The following RBFOX1 variants were observed in gnomAD, a reference collection of about 807,000 sequenced individuals.
The protein encoded by RBFOX1 is RNA binding protein fox-1 homolog 1.
A neutral mutation model predicts 57.7 loss-of-function variants in RBFOX1; 8 were observed. The observed-to-expected ratio is 0.14, with a 90% CI of 0.08 to 0.25. The LOEUF (loss-of-function observed/expected upper bound fraction) is 0.25. Ranked by LOEUF, RBFOX1 falls within the 10% of genes least tolerant of loss-of-function variation. The probability of loss-of-function intolerance (pLI) is 1.00; values close to 1 mark genes in which losing one functional copy is unlikely to be tolerated. For synonymous variants in RBFOX1, 326 were observed against 222.4 expected, an observed-to-expected ratio of 1.47 and a Z score of -4.15; for missense variants, 611 against 548.5, an observed-to-expected ratio of 1.11 and a Z score of -1.14.
chr16:6,227,157 T>C (rs1406388406), intron 1 of RBFOX1, among the ~76,000 whole-genome samples: 1 of 151,864 alleles, frequency 6.6e-6, no homozygotes, highest in African/African-American at 2.4e-5. Flanking sequence ...TATTACTGCC[T>C]CATATATCTT....
At chr16:7,152,483 A>T (rs996440871) in intron 4 of RBFOX1, among the ~76,000 whole-genome samples, 1 of 152,202 alleles carries the variant, frequency 6.6e-6, no homozygotes, top group African/African-American at 2.4e-5. Flanking sequence ...TTTTATTTCA[A>T]CTAGGATCTT....
chr16:7,143,486 C>T (rs1003575653), intron 4 of RBFOX1, among the ~76,000 whole-genome samples: 1 of 152,102 alleles, frequency 6.6e-6, no homozygotes, highest in Non-Finnish European at 1.5e-5. Context: ...AGAAAATTAG[C>T]CATATTCCCA....
At chr16:6,955,443 G>T (rs763191234) in intron 3 of RBFOX1, among the ~76,000 whole-genome samples, 1 of 151,816 alleles carries the variant, frequency 6.6e-6, no homozygotes, top group Non-Finnish European at 1.5e-5. Flanking sequence ...ACGTTGTTCT[G>T]TGTTCCACTG....
chr16:5,641,363 A>G (rs923166088), intron 3 of RBFOX1, among the ~76,000 whole-genome samples: 20 of 152,236 alleles, frequency 1.3e-4, no homozygotes, highest in African/African-American at 4.8e-4. Context: ...TATGCAATAA[A>G]CTACATACAC....
chr16:5,973,714 A>G (rs566160496), intron 4 of RBFOX1, among the ~76,000 whole-genome samples: 2 of 152,368 alleles, frequency 1.3e-5, no homozygotes, highest in Admixed American at 6.5e-5. Flanking sequence ...GTTCTAAACA[A>G]TAATACATTT....
intron 10 of RBFOX1, among the ~76,000 whole-genome samples, chr16:7,628,504 C>G (rs1395040086): frequency 2.0e-5 from 3 of 152,148 alleles, no homozygotes; most frequent in African/African-American, 7.2e-5. Context: ...ATATCCCAAT[C>G]TCCATTCTTT....
intron 4 of RBFOX1, among the ~76,000 whole-genome samples, chr16:7,491,371 GT>G (rs1466571818): frequency 1.1e-5 from 1 of 95,232 alleles, no homozygotes; most frequent in Non-Finnish European, 2.6e-5. Context: ...CTCTTCTTGG[GT>G]TTTGCTTTAA....
At chr16:7,162,142 G>A (rs1047585671) in intron 4 of RBFOX1, among the ~76,000 whole-genome samples, 5 of 152,166 alleles carry the variant, frequency 3.3e-5, no homozygotes, top group African/African-American at 1.2e-4. Flanking sequence ...TGCCAGGGAA[G>A]CCAGTGCTTT....
intron 2 of RBFOX1, among the ~76,000 whole-genome samples, chr16:6,396,062 T>A (rs2092817912): frequency 1.4e-5 from 1 of 70,900 alleles, no homozygotes; most frequent in Non-Finnish European, 2.5e-5. Context: ...CAAGACTCCT[T>A]CTCAAAAAAA....
At chr16:7,029,966 G>T (rs542663502) in intron 3 of RBFOX1, among the ~76,000 whole-genome samples, 12 of 152,342 alleles carry the variant, frequency 7.9e-5, no homozygotes, top group African/African-American at 2.6e-4. Flanking sequence ...GTGAATTCCA[G>T]CAAGACAGTC....
rs79190211 is a variant in RBFOX1 at position 5,629,978 on chromosome 16, G to C, written c.318+31017G>C. The stretch of plus-strand genomic sequence containing the variant: ...GAGAGCTCCGTGCCTGGTGACTGCT[G>C]TTATTTGGTTGGGGATAGGATCTCT... On this transcript the variant is annotated intron_variant, in intron 3 of 19. Coordinates refer to the RBFOX1 transcript ENST00000641259. Among the ~76,000 whole-genome samples the C allele has an allele frequency of 6.0e-3, 913 of 152,282 alleles. 8 individuals carry two copies. The highest frequency in any genetic ancestry group is 0.021 in the African/African-American group (867 of 41,574).
chr16:5,606,838 C>T (rs2047599986), intron 3 of RBFOX1, among the ~76,000 whole-genome samples: 1 of 152,096 alleles, frequency 6.6e-6, no homozygotes, highest in African/African-American at 2.4e-5. Flanking sequence ...ACAGAATCAT[C>T]AGAAACATGG....
intron 3 of RBFOX1, among the ~76,000 whole-genome samples, chr16:6,895,111 C>G (rs556086074): frequency 2.6e-5 from 4 of 152,156 alleles, no homozygotes; most frequent in South Asian, 4.2e-4. Flanking sequence ...GTCTGGTCCT[C>G]TTTTCCATAG....
At chr16:6,492,387 G>C (rs1021559165) in intron 2 of RBFOX1, among the ~76,000 whole-genome samples, 4 of 152,104 alleles carry the variant, frequency 2.6e-5, no homozygotes, top group African/African-American at 9.7e-5. Context: ...GGCCAACATA[G>C]TGGAACCTCG....
At chr16:7,389,771 A>G (rs1486769969) in intron 4 of RBFOX1, among the ~76,000 whole-genome samples, 3 of 152,122 alleles carry the variant, frequency 2.0e-5, no homozygotes, top group African/African-American at 7.2e-5. Flanking sequence ...GGTGGTTAAA[A>G]TTTCTTGAGT....
In RBFOX1 at chr16:7,456,913, C is replaced by T. The variant is rs377688597; in HGVS notation, c.28-61234C>T. Among the ~76,000 whole-genome samples, 186 of 150,602 alleles carry T rather than the reference C, an allele frequency of 1.2e-3. 1 individual carries two copies. The highest frequency in any genetic ancestry group is 3.9e-3 in the African/African-American group (158 of 40,936). ...ACTTTTTTTCTTTTTTTTTTTGAAA[C>T]GGAGTTTCGCTCTTGTTGCCCAGGC... On this transcript the variant is annotated intron_variant, in intron 4 of 15. Transcript: ENST00000550418.
intron 4 of RBFOX1, among the ~76,000 whole-genome samples, chr16:7,140,157 C>CTCTCTCT (rs2073295791): frequency 2.8e-4 from 20 of 70,882 alleles, no homozygotes; most frequent in East Asian, 6.9e-4. Context: ...TCCTTCTCTC[C>CTCTCTCT]CTCTCTCTCT....
intron 3 of RBFOX1, among the ~76,000 whole-genome samples, chr16:6,958,010 A>T: frequency 6.6e-6 from 1 of 152,042 alleles, no homozygotes; most frequent in East Asian, 1.9e-4. Flanking sequence ...GGAAGGGACT[A>T]CTCAGGGGTG....
chr16:7,355,453 G>C (rs565756036), intron 4 of RBFOX1, among the ~76,000 whole-genome samples: 1 of 152,212 alleles, frequency 6.6e-6, no homozygotes, highest in Non-Finnish European at 1.5e-5. Flanking sequence ...TAACGATTTG[G>C]AGTGTGAGTC....
Sources: gnomAD v4.1 joint callset for allele counts (sites outside exome capture counted in the v4.1 genomes callset) on GRCh38, gnomAD v4.1.1 for gene constraint, MANE v1.5 for transcripts, NCBI Gene and HGNC (gene_info 2026-07-23, HGNC 2026-07-21) for gene names.